The following ERBB4 variants were observed in gnomAD, a reference collection of about 807,000 sequenced individuals.
The protein encoded by ERBB4 is erb-b2 receptor tyrosine kinase 4.
Under a neutral mutation model 158.0 loss-of-function variants are expected in ERBB4, and 42 were observed. The ratio of observed to expected loss-of-function variants is 0.27; its 90% confidence interval spans 0.21 to 0.34. The LOEUF (loss-of-function observed/expected upper bound fraction) is 0.34. Ranked by LOEUF, ERBB4 falls within the 10% of genes least tolerant of loss-of-function variation. ERBB4 has a pLI of 1.00. For missense variants in ERBB4, 1,333 were observed against 1,624.1 expected, an observed-to-expected ratio of 0.82 and a Z score of 3.08; for synonymous variants, 583 against 558.7, an observed-to-expected ratio of 1.04 and a Z score of -0.61.
chr2:211,561,333 C>A (rs1041188549), intron 20 of ERBB4, among the ~76,000 whole-genome samples: 3 of 152,150 alleles, frequency 2.0e-5, no homozygotes, highest in African/African-American at 7.2e-5. Flanking sequence ...CTAGTAAATG[C>A]TCTCTGTAAC....
At chr2:212,164,455 A>T (rs2081289911) in intron 1 of ERBB4, among the ~76,000 whole-genome samples, 3 of 152,022 alleles carry the variant, frequency 2.0e-5, no homozygotes, top group Admixed American at 2.0e-4. Context: ...TTTCTAATGA[A>T]AGTGCTAATG....
chr2:212,005,294 C>G (rs968437160), intron 2 of ERBB4, among the ~76,000 whole-genome samples: 1 of 152,062 alleles, frequency 6.6e-6, no homozygotes, highest in Admixed American at 6.6e-5. Flanking sequence ...AGACCTGGAA[C>G]CTCTCTAGTA....
chr2:212,158,839 C>CA (rs2081118649), intron 1 of ERBB4, among the ~76,000 whole-genome samples: 1 of 151,658 alleles, frequency 6.6e-6, no homozygotes, highest in Non-Finnish European at 1.5e-5. Flanking sequence ...AAATGCCTGT[C>CA]AAAAAGCTAA....
chr2:212,444,175 A>G (rs1295022314), intron 1 of ERBB4, among the ~76,000 whole-genome samples: 1 of 152,166 alleles, frequency 6.6e-6, no homozygotes, highest in Non-Finnish European at 1.5e-5. Context: ...ACAGAGGAAG[A>G]AAAGACTAGG....
intron 1 of ERBB4, among the ~76,000 whole-genome samples, chr2:212,508,676 T>C (rs1691332701): frequency 6.6e-6 from 1 of 152,136 alleles, no homozygotes; most frequent in Non-Finnish European, 1.5e-5. Flanking sequence ...TAAATATATA[T>C]CTTCAGAATA....
chr2:211,990,844 T>A (rs1450816635), intron 2 of ERBB4, among the ~76,000 whole-genome samples: 1 of 151,962 alleles, frequency 6.6e-6, no homozygotes, highest in Non-Finnish European at 1.5e-5. Flanking sequence ...CCAGATTAGA[T>A]GCTACCAAGT....
chr2:211,825,135 T>G (rs2077073458), intron 3 of ERBB4, among the ~76,000 whole-genome samples: 1 of 151,942 alleles, frequency 6.6e-6, no homozygotes, highest in African/African-American at 2.4e-5. Flanking sequence ...AGTCTATTCT[T>G]TTATATCAAA....
chr2:211,490,746 T>C (rs2065320438), intron 20 of ERBB4, among the ~76,000 whole-genome samples: 1 of 152,068 alleles, frequency 6.6e-6, no homozygotes, highest in African/African-American at 2.4e-5. Context: ...TGCATTTTCT[T>C]TCCCTTATTG....
At chr2:212,333,307 G>A (rs969470947) in intron 1 of ERBB4, among the ~76,000 whole-genome samples, 2 of 151,764 alleles carry the variant, frequency 1.3e-5, no homozygotes, top group Admixed American at 6.6e-5. Flanking sequence ...CTGAATCCGG[G>A]TGGCCATAAC....
At chr2:212,093,081 T>C (rs1221101002) in intron 2 of ERBB4, among the ~76,000 whole-genome samples, 1 of 152,220 alleles carries the variant, frequency 6.6e-6, no homozygotes, top group Non-Finnish European at 1.5e-5. Flanking sequence ...ATGGCCTTTT[T>C]CCTCTCTTTT....
intron 2 of ERBB4, among the ~76,000 whole-genome samples, chr2:212,003,112 AGAAGGAAGGAAGGAAGGAAG>A (rs1217270481): frequency 0.013 from 631 of 48,204 alleles, 28 homozygotes; most frequent in African/African-American, 0.04. Context: ...AAAGAAAGAA[AGAAGGAAGGAAGGAAGGAAG>A]GAAGGAAGGA....
chr2:212,523,448 ATATTCTC>A (rs1692279526), intron 1 of ERBB4, among the ~76,000 whole-genome samples: 2 of 152,012 alleles, frequency 1.3e-5, no homozygotes, highest in African/African-American at 4.8e-5. Flanking sequence ...TTGTATGCTT[ATATTCTC>A]TATTGTTTTT....
At chr2:211,443,004 C>T (rs909934690) in intron 20 of ERBB4, among the ~76,000 whole-genome samples, 2 of 151,988 alleles carry the variant, frequency 1.3e-5, no homozygotes, top group African/African-American at 4.8e-5. Context: ...TTACCAATTT[C>T]ATCACGTTTT....
intron 1 of ERBB4, among the ~76,000 whole-genome samples, chr2:212,357,912 G>A (rs746644045): frequency 1.8e-4 from 28 of 151,824 alleles, no homozygotes; most frequent in Non-Finnish European, 3.2e-4. Context: ...GGATTCATTT[G>A]ATTTCCACTG....
chr2:212,188,583 C>G (rs2082099109), intron 1 of ERBB4, among the ~76,000 whole-genome samples: 1 of 151,852 alleles, frequency 6.6e-6, no homozygotes, highest in Admixed American at 6.6e-5. Context: ...AATGCAAAGA[C>G]AATTTTGTCT....
chr2:212,280,391 T>C (rs2085709965), intron 1 of ERBB4, among the ~76,000 whole-genome samples: 1 of 151,688 alleles, frequency 6.6e-6, no homozygotes, highest in Non-Finnish European at 1.5e-5. Flanking sequence ...TCACCAAAAA[T>C]GTCTGAGACA....
intron 19 of ERBB4, among the ~76,000 whole-genome samples, chr2:211,568,600 G>T (rs1829618): frequency 6.6e-6 from 1 of 151,932 alleles, no homozygotes; most frequent in Admixed American, 6.6e-5. Flanking sequence ...CTGTTTCATT[G>T]TATCTATGGA....
At chr2:212,050,910 C>T (rs534574241) in intron 2 of ERBB4, among the ~76,000 whole-genome samples, 1 of 152,268 alleles carries the variant, frequency 6.6e-6, no homozygotes, top group South Asian at 2.1e-4. Flanking sequence ...ATGGGTATTT[C>T]TGCCGTATGA....
intron 19 of ERBB4, among the ~76,000 whole-genome samples, chr2:211,593,179 T>A (rs924195070): frequency 6.6e-6 from 1 of 152,022 alleles, no homozygotes; most frequent in African/African-American, 2.4e-5. Flanking sequence ...CTTAAGAAAG[T>A]AGTTAAAGTT....
Sources: allele counts gnomAD v4.1 joint callset (sites outside exome capture counted in the v4.1 genomes callset), GRCh38; gene constraint gnomAD v4.1.1; transcripts MANE v1.5; gene names NCBI Gene and HGNC (gene_info 2026-07-23, HGNC 2026-07-21).